SMG6: variants seen among roughly 807,000 people sequenced by gnomAD.
SMG6 encodes the protein telomerase-binding protein EST1A.
SMG6 carries 66 observed loss-of-function variants against 142.2 expected under a neutral mutation model. That is an observed-to-expected ratio of 0.46 (90% CI 0.38 to 0.57). The LOEUF (loss-of-function observed/expected upper bound fraction) is 0.57, where lower values mean the gene tolerates loss of function less well. Ranked by LOEUF, SMG6 falls within the 20% of genes least tolerant of loss-of-function variation. The pLI is 0.00. For missense variants in SMG6, 1,793 were observed against 1,832.0 expected, an observed-to-expected ratio of 0.98 and a Z score of 0.39; for synonymous variants, 779 against 702.4, an observed-to-expected ratio of 1.11 and a Z score of -1.72.
intron 12 of SMG6, among the ~76,000 whole-genome samples, chr17:2,186,127 C>G (rs145383278): frequency 0.01 from 1,560 of 151,944 alleles, 32 homozygotes; most frequent in African/African-American, 0.035. Flanking sequence ...ACTCAGGAGG[C>G]CGAGGCAGGA....
At position 2,253,394 on chromosome 17, in the gene SMG6, C is replaced by T. The variant is rs143007465; in HGVS notation, c.2662-8675G>A. Among the ~76,000 whole-genome samples the T allele has an allele frequency of 3.4e-3, 512 of 152,178 alleles. 3 individuals carry two copies. Among genetic ancestry groups the T allele is most frequent in the Admixed American group, 7.9e-3 (120 of 15,284 alleles). ...TCCTGACCTCCTGATCCGCCCGCCTCGGTCTCCCAAAGTAGCCTAAAATAT... is the reference window on the plus strand; with the variant it reads ...TCCTGACCTCCTGATCCGCCCGCCTTGGTCTCCCAAAGTAGCCTAAAATAT... On this transcript the variant is annotated intron_variant, in intron 8 of 18. Coordinates refer to ENST00000263073, the MANE Select transcript of SMG6 (RefSeq NM_017575.5).
chr17:2,118,930 T>C (rs2069593042), intron 13 of SMG6, among the ~76,000 whole-genome samples: 1 of 151,054 alleles, frequency 6.6e-6, no homozygotes, highest in African/African-American at 2.4e-5. Flanking sequence ...AGAATCTCGT[T>C]CTGTTGCCCA....
At chr17:2,114,934 A>C (rs1471763645) in intron 13 of SMG6, among the ~76,000 whole-genome samples, 2 of 116,378 alleles carry the variant, frequency 1.7e-5, no homozygotes, top group African/African-American at 3.5e-5. Context: ...AATAAAATAA[A>C]ATAAAATAAA....
chr17:2,243,398 A>C (rs2073857083), intron 9 of SMG6, among the ~76,000 whole-genome samples: 1 of 152,204 alleles, frequency 6.6e-6, no homozygotes, highest in Admixed American at 6.5e-5. Context: ...AGAGCCTTCT[A>C]GGCCGGGCGT....
chr17:2,188,213 T>C (rs2072050111), intron 11 of SMG6, among the ~76,000 whole-genome samples, 186 bp downstream of exon 11: 1 of 151,640 alleles, frequency 6.6e-6, no homozygotes. Flanking sequence ...AAGAGGGCCT[T>C]AGAGGCAATC....
chr17:2,277,132 CATTTATTTATTTATTT>C (rs3054906), intron 8 of SMG6, among the ~76,000 whole-genome samples: 3 of 133,834 alleles, frequency 2.2e-5, no homozygotes, highest in Non-Finnish European at 4.8e-5. Flanking sequence ...AGTATTTACA[CATTTATTTATTTATTT>C]ATTTATTTAT....
Position 2,188,431 on chromosome 17 carries a change from C to T in SMG6, c.2954G>A (p.Arg985His), listed in dbSNP as rs753838360. 6.2e-6 allele frequency: 10 copies of T among 1,614,036 alleles called. No homozygotes were observed. Among genetic ancestry groups the T allele is most frequent in the Admixed American group, 1.7e-5 (1 of 60,014 alleles). The stretch of plus-strand genomic sequence containing the variant: ...GGACTCCTTAAGTAAGCAGGTGCAG[C>T]GGCGGACCAGTAGAGAAAACATGGC... ...GLAMFSLLVRRCTCLLKESAK... is the reference protein window; with the variant it reads ...GLAMFSLLVRHCTCLLKESAK... The change falls in exon 11 of 19, where the codon CGC (arginine) becomes CAC (histidine). Residue 985 changes from arginine (R) to histidine (H), a missense_variant. Coordinates refer to ENST00000263073, the MANE Select transcript of SMG6 (RefSeq NM_017575.5).
Position 2,061,779 on chromosome 17 carries a change from C to T in SMG6, c.4130-157G>A. The T allele has an allele frequency of 3.6e-6, 3 of 837,264 alleles. No individual in the cohort carries two copies. In the South Asian group the frequency reaches 5.1e-5, roughly 14 times the overall value. 51.9% of individuals were successfully genotyped at this position (837,264 alleles called of 1,614,324 possible). Reference sequence around the variant, plus strand: ...CCTTTCCTCCGTCCGGGCTCTCAGCCCCGGGGACCCTCCCCTGCTGGCCTA... The same window carrying T: ...CCTTTCCTCCGTCCGGGCTCTCAGCTCCGGGGACCCTCCCCTGCTGGCCTA... On this transcript the variant is annotated intron_variant, in intron 18 of 18. Coordinates refer to ENST00000263073, the MANE Select transcript of SMG6 (RefSeq NM_017575.5).
rs975455323 is a variant in SMG6 at position 2,292,583 on chromosome 17, T to C, written c.2306A>G (p.Tyr769Cys). 3 of 1,614,226 alleles carry C rather than the reference T, an allele frequency of 1.9e-6. No individual in the cohort carries two copies. Among genetic ancestry groups the C allele is most frequent in the African/African-American group, 1.3e-5 (1 of 75,058 alleles). ...QHIAPKNGRP[Y>C]NQLALLAVYT... ...CACTGCCAGCAAAGCCAACTGGTTA[T>C]AGGGGCGCCCATTCTTGGGAGCAAT... The change falls in exon 6 of 19, where the codon TAT becomes TGT. Residue 769 changes from tyrosine to cysteine, a missense_variant. Coordinates refer to ENST00000263073, the MANE Select transcript of SMG6 (RefSeq NM_017575.5).
chr17:2,276,167 G>A (rs147168508), intron 8 of SMG6, among the ~76,000 whole-genome samples: 58 of 152,124 alleles, frequency 3.8e-4, no homozygotes, highest in African/African-American at 8.9e-4. Flanking sequence ...ATACATAAAC[G>A]AACAATTTGG....
intron 13 of SMG6, chr17:2,087,937 C>T: frequency 1.0e-6 from 1 of 985,796 alleles, no homozygotes; most frequent in Non-Finnish European, 1.2e-6. Flanking sequence ...TGACCTTACG[C>T]CCCAGCTACT....
chr17:2,145,309 A>C (rs2070630704), intron 13 of SMG6, among the ~76,000 whole-genome samples: 1 of 150,544 alleles, frequency 6.6e-6, no homozygotes, highest in Non-Finnish European at 1.5e-5. Flanking sequence ...CCTCTTAGTA[A>C]AGACAGGGTT....
At chr17:2,225,176 T>C (rs559236436) in intron 10 of SMG6, among the ~76,000 whole-genome samples, 2 of 152,040 alleles carry the variant, frequency 1.3e-5, no homozygotes, top group South Asian at 2.1e-4. Flanking sequence ...AATTTAACAG[T>C]AAATATACAG....
intron 3 of SMG6, among the ~76,000 whole-genome samples, chr17:2,297,608 AACACAT>A (rs1275929841): frequency 6.6e-6 from 1 of 151,854 alleles, no homozygotes; most frequent in African/African-American, 2.4e-5. Flanking sequence ...CACAAACACA[AACACAT>A]ACATACACAT....
Position 2,082,123 on chromosome 17 carries a change from T to C in SMG6, c.3535-167A>G, listed in dbSNP as rs2068441859. Reference sequence around the variant, plus strand: ...TCCCTCTACTCAGGCAAAGGGAGGTTGACAAAAGCTGTCACTCTTCCCCCG... The same window carrying C: ...TCCCTCTACTCAGGCAAAGGGAGGTCGACAAAAGCTGTCACTCTTCCCCCG... On this transcript the variant is annotated intron_variant, in intron 14 of 18. Coordinates refer to ENST00000263073, the MANE Select transcript of SMG6 (RefSeq NM_017575.5). 6.3e-6 allele frequency: 4 copies of C among 633,462 alleles called. No homozygotes were observed. The South Asian group carries it at 7.9e-5, about 12-fold the overall frequency. 39.2% of individuals were successfully genotyped at this position (633,462 alleles called of 1,614,324 possible). A position where few individuals can be genotyped will look rare whatever the true frequency, so the allele number is the denominator to read the frequency against.
intron 13 of SMG6, among the ~76,000 whole-genome samples, chr17:2,110,081 C>CAAAAA (rs57135671): frequency 1.3e-4 from 11 of 87,934 alleles, no homozygotes; most frequent in African/African-American, 2.1e-4. Context: ...GATTCCATCT[C>CAAAAA]AAAAAAAAAA....
chr17:2,065,217 G>A (rs1233555453), intron 17 of SMG6, 63 bp from the exon 18 acceptor site: 3 of 1,354,162 alleles, frequency 2.2e-6, no homozygotes, highest in East Asian at 2.3e-5. Flanking sequence ...GGAGGAGGAG[G>A]AGGGATCCTC....
At chr17:2,141,289 T>C (rs989534142) in intron 13 of SMG6, among the ~76,000 whole-genome samples, 7 of 152,240 alleles carry the variant, frequency 4.6e-5, no homozygotes, top group African/African-American at 1.7e-4. Flanking sequence ...TTGCACTGGT[T>C]TGTTTAGCTT....
At chr17:2,142,530 T>C (rs2070514361) in intron 13 of SMG6, among the ~76,000 whole-genome samples, 1 of 67,820 alleles carries the variant, frequency 1.5e-5, no homozygotes, top group South Asian at 5.1e-4. Context: ...AATCTTTCTA[T>C]CTATCTATCT....
Sources: allele counts gnomAD v4.1 joint callset (sites outside exome capture counted in the v4.1 genomes callset), GRCh38; gene constraint gnomAD v4.1.1; transcripts MANE v1.5; gene names NCBI Gene and HGNC (gene_info 2026-07-23, HGNC 2026-07-21).